NOVA1: variants seen among roughly 807,000 people sequenced by gnomAD.
NOVA1 encodes NOVA alternative splicing regulator 1.
NOVA1 carries 7 observed loss-of-function variants against 38.0 expected under a neutral mutation model. That is an observed-to-expected ratio of 0.18 (90% CI 0.10 to 0.35). The LOEUF (loss-of-function observed/expected upper bound fraction) is 0.35, where lower values mean the gene tolerates loss of function less well. NOVA1 is among the 10% of genes least tolerant of loss of function. The pLI, the probability that NOVA1 is intolerant of heterozygous loss-of-function variation, is 1.00. For missense variants in NOVA1, 460 were observed against 616.0 expected (o/e 0.75, Z 2.68); for synonymous variants, 270 against 232.5 (o/e 1.16, Z -1.47).
intron 2 of NOVA1, among the ~76,000 whole-genome samples, chr14:26,576,647 T>G (rs1892864783): frequency 6.6e-6 from 1 of 151,858 alleles, no homozygotes; most frequent in Non-Finnish European, 1.5e-5. Context: ...AAGGTATACA[T>G]TTTAAGCTAA....
chr14:26,531,315 C>T lies in NOVA1; in HGVS notation c.281-51172G>A, dbSNP rs183378355. Among the ~76,000 whole-genome samples, 113 of 152,070 alleles carry T rather than the reference C, an allele frequency of 7.4e-4. 1 individual carries two copies. The highest frequency in any genetic ancestry group is 1.5e-3 in the Admixed American group (23 of 15,276). On this transcript the variant is annotated intron_variant, in intron 2 of 4. Coordinates refer to ENST00000539517, the MANE Select transcript of NOVA1 (RefSeq NM_002515.3). Reference sequence around the variant, plus strand: ...TAACCATAAAAATTAAGCTATAAAACCTCTAGGAGAGGCTGGGCGCGGTGG... The same window carrying T: ...TAACCATAAAAATTAAGCTATAAAATCTCTAGGAGAGGCTGGGCGCGGTGG...
At chr14:26,548,342 A>G (rs1439859826) in intron 2 of NOVA1, among the ~76,000 whole-genome samples, 1 of 152,006 alleles carries the variant, frequency 6.6e-6, no homozygotes, top group Non-Finnish European at 1.5e-5. Flanking sequence ...GAATGAAGTT[A>G]TTTTTTATCT....
At chr14:26,495,622 A>C (rs1886708536) in intron 2 of NOVA1, among the ~76,000 whole-genome samples, 1 of 150,444 alleles carries the variant, frequency 6.6e-6, no homozygotes, top group Admixed American at 6.6e-5. Context: ...CATTAGGTAT[A>C]TCACCCAATG....
intron 2 of NOVA1, among the ~76,000 whole-genome samples, chr14:26,532,377 A>G (rs1889779347): frequency 1.3e-5 from 2 of 152,226 alleles, no homozygotes; most frequent in South Asian, 4.1e-4. Context: ...CACATGCAAA[A>G]TCAGGGATGA....
chr14:26,591,205 T>G (rs1483090907), intron 2 of NOVA1, among the ~76,000 whole-genome samples: 2 of 151,698 alleles, frequency 1.3e-5, no homozygotes, highest in Non-Finnish European at 1.5e-5. Context: ...TACTAATGTT[T>G]AAGTAAAAGA....
chr14:26,545,651 A>C (rs909827267), intron 2 of NOVA1, among the ~76,000 whole-genome samples: 1 of 152,098 alleles, frequency 6.6e-6, no homozygotes, highest in African/African-American at 2.4e-5. Context: ...CATATGTTTT[A>C]TTGTTTTTTC....
At chr14:26,465,012 A>C (rs756636409) in intron 4 of NOVA1, among the ~76,000 whole-genome samples, 1 of 152,176 alleles carries the variant, frequency 6.6e-6, no homozygotes, top group Non-Finnish European at 1.5e-5. Flanking sequence ...TCCTAGTGAT[A>C]AGCAAAACAC....
intron 2 of NOVA1, among the ~76,000 whole-genome samples, chr14:26,497,855 C>G (rs990565134): frequency 6.6e-6 from 1 of 152,126 alleles, no homozygotes; most frequent in Non-Finnish European, 1.5e-5. Flanking sequence ...TGCTGCATAT[C>G]AAACCCAGAC....
intron 2 of NOVA1, among the ~76,000 whole-genome samples, chr14:26,529,047 C>T (rs1889505139): frequency 6.6e-6 from 1 of 152,080 alleles, no homozygotes; most frequent in Non-Finnish European, 1.5e-5. Flanking sequence ...AACAAGTACA[C>T]CCGATCACCC....
chr14:26,451,032 G>A (rs1178860241), intron 4 of NOVA1, among the ~76,000 whole-genome samples: 1 of 152,030 alleles, frequency 6.6e-6, no homozygotes, highest in Non-Finnish European at 1.5e-5. Flanking sequence ...TTTTTGTTTT[G>A]TTCAGTGTAA....
chr14:26,579,982 A>T (rs1344171356), intron 2 of NOVA1, among the ~76,000 whole-genome samples: 7 of 151,780 alleles, frequency 4.6e-5, no homozygotes, highest in African/African-American at 1.7e-4. Context: ...CTATTCCCAA[A>T]CTCCTGGGTT....
chr14:26,535,243 A>T (rs1404206935), intron 2 of NOVA1, among the ~76,000 whole-genome samples: 3 of 152,200 alleles, frequency 2.0e-5, no homozygotes, highest in African/African-American at 7.2e-5. Context: ...AATAATTTTT[A>T]AAAAATCTCA....
chr14:26,597,749 G>C lies in NOVA1; in HGVS notation c.-313C>G. On this transcript the variant is annotated 5_prime_UTR_variant, in exon 1 of 5. Transcript: ENST00000539517. The stretch of plus-strand genomic sequence containing the variant: ...GAGACAGGGGGAGAGAGTGGAGAAG[G>C]GAGAGGGGCGAGTGAATGAGCGGGA... 3.0e-6 allele frequency: 3 copies of C among 1,013,408 alleles called. No homozygotes were observed. The highest frequency in any genetic ancestry group is 3.6e-6 in the Non-Finnish European group (3 of 839,512). 62.8% of individuals were successfully genotyped at this position (1,013,408 alleles called of 1,614,324 possible). A position where few individuals can be genotyped will look rare whatever the true frequency, so the allele number is the denominator to read the frequency against.
intron 4 of NOVA1, among the ~76,000 whole-genome samples, chr14:26,469,380 T>G (rs1453052045): frequency 6.6e-6 from 1 of 152,234 alleles, no homozygotes; most frequent in Non-Finnish European, 1.5e-5. Flanking sequence ...ACTAGAATCT[T>G]TCCAAAGGCA....
chr14:26,574,182 C>T (rs757621634), intron 2 of NOVA1, among the ~76,000 whole-genome samples: 68 of 151,314 alleles, frequency 4.5e-4, no homozygotes, highest in Non-Finnish European at 7.5e-4. Flanking sequence ...CCTGTTACCA[C>T]GCCTGGCTAA....
chr14:26,475,969 G>A (rs1051748114), intron 3 of NOVA1, among the ~76,000 whole-genome samples: 7 of 152,072 alleles, frequency 4.6e-5, no homozygotes, highest in African/African-American at 1.7e-4. Context: ...TGAAAACAGC[G>A]ACGAACAACA....
chr14:26,520,463 G>A (rs1456047042), intron 2 of NOVA1, among the ~76,000 whole-genome samples: 2 of 152,078 alleles, frequency 1.3e-5, no homozygotes, highest in East Asian at 3.9e-4. Context: ...AATTTAGACA[G>A]CACTTCAGCA....
At chr14:26,485,865 C>G (rs1400586841) in intron 2 of NOVA1, among the ~76,000 whole-genome samples, 3 of 151,960 alleles carry the variant, frequency 2.0e-5, no homozygotes, top group Admixed American at 1.3e-4. Flanking sequence ...TGAAACATCA[C>G]AAAATAAAAC....
At chr14:26,450,985 GA>G (rs1882620896) in intron 4 of NOVA1, among the ~76,000 whole-genome samples, 1 of 152,096 alleles carries the variant, frequency 6.6e-6, no homozygotes, top group African/African-American at 2.4e-5. Flanking sequence ...ACTTTTAAAA[GA>G]GCTAGTCTTA....
Sources: allele counts gnomAD v4.1 joint callset (sites outside exome capture counted in the v4.1 genomes callset), GRCh38; gene constraint gnomAD v4.1.1; transcripts MANE v1.5; gene names NCBI Gene and HGNC (gene_info 2026-07-23, HGNC 2026-07-21).